The following INSR variants were observed in gnomAD, a reference collection of about 807,000 sequenced individuals.
The protein encoded by INSR is IR.
A neutral mutation model predicts 142.6 loss-of-function variants in INSR; 67 were observed. The ratio of observed to expected loss-of-function variants is 0.47; its 90% confidence interval spans 0.39 to 0.58. INSR has a LOEUF of 0.58. INSR is among the 20% of genes least tolerant of loss of function. INSR has a pLI of 0.00. For missense variants in INSR, 1,248 were observed against 1,833.2 expected, an observed-to-expected ratio of 0.68 and a Z score of 5.83; for synonymous variants, 756 against 743.1, an observed-to-expected ratio of 1.02 and a Z score of -0.28.
rs535476550 is a variant in INSR, at chr19:7,264,084, G to A, written c.652+3261C>T. On this transcript the variant is annotated intron_variant, in intron 2 of 21. Transcript: ENST00000302850. ...CTCGGGAGGCTGAGGCAGGAGAATCGCTTGAAGCCAGGAGGCAGAAATTGC... is the reference window on the plus strand; with the variant it reads ...CTCGGGAGGCTGAGGCAGGAGAATCACTTGAAGCCAGGAGGCAGAAATTGC... 7.9e-5 allele frequency among the ~76,000 whole-genome samples: 12 copies of A among 151,758 alleles called. No individual in the cohort carries two copies. The East Asian group carries it at 1.5e-3, about 20-fold the overall frequency.
intron 3 of INSR, among the ~76,000 whole-genome samples, chr19:7,179,756 G>A (rs553207833): frequency 1.3e-5 from 2 of 152,288 alleles, no homozygotes; most frequent in East Asian, 1.9e-4. Context: ...GCCAACCCCC[G>A]TTCTCAGCTG....
rs2303672 is a variant in INSR, at chr19:7,168,394, T to C, written c.1484-300A>G. Among the ~76,000 whole-genome samples the C allele has an allele frequency of 5.3e-3, 809 of 152,224 alleles. 29 individuals are homozygous for C. The East Asian group carries it at 0.088, about 16-fold the overall frequency. The stretch of plus-strand genomic sequence containing the variant: ...AAGAAGGACAACCGGCCAATAGTTA[T>C]TGGAGGAAGGGATTTCCAAGGGTGA... On this transcript the variant is annotated intron_variant, in intron 6 of 21. Transcript: ENST00000302850. The surrounding 1 kb of genome is among the most constrained non-coding windows in gnomAD (Gnocchi z 4.3).
At chr19:7,127,266 C>T (rs1275690464) in intron 15 of INSR, among the ~76,000 whole-genome samples, 1 of 152,088 alleles carries the variant, frequency 6.6e-6, no homozygotes, top group Admixed American at 6.6e-5. Context: ...CAGTACTGTT[C>T]TAGAGCGAGC....
Position 7,150,189 on chromosome 19 carries a change from G to C in INSR, c.2267+308C>G, listed in dbSNP as rs1973301170. ...ACCTCTGCAAATGCACGCGGGAGGT[G>C]CAGAGATGTTTAGTGAGCAAACAGT... On this transcript the variant is annotated intron_variant, in intron 11 of 21. Coordinates refer to ENST00000302850, the MANE Select transcript of INSR (RefSeq NM_000208.4). This position sits in a 1 kb window ranked among gnomAD's most constrained non-coding sequence, Gnocchi z 4.2. 6.6e-6 allele frequency among the ~76,000 whole-genome samples: 1 copy of C among 152,194 alleles called. No individual in the cohort carries two copies. The highest frequency in any genetic ancestry group is 1.5e-5 in the Non-Finnish European group (1 of 68,026).
intron 3 of INSR, among the ~76,000 whole-genome samples, chr19:7,183,616 C>T (rs978329497): frequency 2.0e-5 from 3 of 152,052 alleles, no homozygotes; most frequent in African/African-American, 7.2e-5. Context: ...AGGGAAGACA[C>T]GAAAGACCTT....
intron 2 of INSR, among the ~76,000 whole-genome samples, chr19:7,251,131 C>A (rs1976714464): frequency 6.6e-6 from 1 of 152,004 alleles, no homozygotes. Flanking sequence ...GCAGTACACA[C>A]ACATTCCCTG....
intron 2 of INSR, among the ~76,000 whole-genome samples, chr19:7,235,547 T>C (rs1022409312): frequency 6.6e-5 from 10 of 152,112 alleles, no homozygotes; most frequent in African/African-American, 1.9e-4. Flanking sequence ...TTTTCAAAGA[T>C]ACTGTTAAGA....
At chr19:7,249,282 AATCCT>A (rs1436822043) in intron 2 of INSR, among the ~76,000 whole-genome samples, 2 of 152,148 alleles carry the variant, frequency 1.3e-5, no homozygotes, top group African/African-American at 4.8e-5. Context: ...TACCACCAGG[AATCCT>A]AAGGTAAACC....
intron 2 of INSR, among the ~76,000 whole-genome samples, chr19:7,210,013 CAG>C (rs1975226345): frequency 6.6e-6 from 1 of 152,064 alleles, no homozygotes; most frequent in East Asian, 1.9e-4. Context: ...ACAGAAGAAA[CAG>C]AGATTCAAAA....
chr19:7,157,628 G>A (rs1256809752), intron 9 of INSR, among the ~76,000 whole-genome samples: 3 of 151,978 alleles, frequency 2.0e-5, no homozygotes, highest in African/African-American at 4.8e-5. Flanking sequence ...GGGTTCTTGT[G>A]ACCCACGGTG....
At chr19:7,265,311 G>A (rs922326354) in intron 2 of INSR, among the ~76,000 whole-genome samples, 2 of 152,140 alleles carry the variant, frequency 1.3e-5, no homozygotes, top group African/African-American at 2.4e-5. Context: ...CAAAGCAATG[G>A]CAAAGAGGTA....
rs560492904 is a variant in INSR at position 7,193,129 on chromosome 19, T to C, written c.653-8492A>G. 2.6e-5 allele frequency among the ~76,000 whole-genome samples: 4 copies of C among 151,562 alleles called. No homozygotes were observed. The East Asian group carries it at 7.8e-4, about 29-fold the overall frequency. Reference sequence around the variant, plus strand: ...GTATTTCTTTTTTTTCTTTTTTTTTTTTTCCCCAGATGGAGTCTCACTCTT... The same window carrying C: ...GTATTTCTTTTTTTTCTTTTTTTTTCTTTCCCCAGATGGAGTCTCACTCTT... On this transcript the variant is annotated intron_variant, in intron 2 of 21. Transcript: ENST00000302850.
At chr19:7,290,656 C>A (rs2145257067) in intron 1 of INSR, among the ~76,000 whole-genome samples, 1 of 151,948 alleles carries the variant, frequency 6.6e-6, no homozygotes, top group Non-Finnish European at 1.5e-5. Context: ...GACTGTAATC[C>A]CAGCTACTCA....
chr19:7,293,859 G>T lies in INSR; in HGVS notation c.33C>A (p.Ala11=). The change falls in exon 1 of 22, where the codon GCC becomes GCA. Residue 11 remains alanine, a synonymous_variant. Coordinates refer to ENST00000302850, the MANE Select transcript of INSR (RefSeq NM_000208.4). The stretch of plus-strand genomic sequence containing the variant: ...CGGCCACCGCCACCAGCAGCGGCGC[G>T]GCCGCCGCCCCCCGCCGGCCCCCGG... MATGGRRGAA[A]APLLVAVAAL... is the part of the protein sequence containing the mutation. 2 of 1,248,098 alleles carry T rather than the reference G, an allele frequency of 1.6e-6. No individual in the cohort carries two copies. Among genetic ancestry groups the T allele is most frequent in the South Asian group, 6.6e-5 (2 of 30,170 alleles). 77.3% of individuals were successfully genotyped at this position (1,248,098 alleles called of 1,614,324 possible). A position where few individuals can be genotyped will look rare whatever the true frequency, so the allele number is the denominator to read the frequency against.
rs75333373 is a variant in INSR, at chr19:7,287,756, G to A, written c.100+6036C>T. ...GCGTTTCATTTCACTCACTTCATTC[G>A]AGTTGTACCAGGGACTGCACAAGCT... is the stretch of plus-strand genomic sequence containing the variant. On this transcript the variant is annotated intron_variant, in intron 1 of 21. Coordinates refer to ENST00000302850, the MANE Select transcript of INSR (RefSeq NM_000208.4). Among the ~76,000 whole-genome samples, 245 of 152,220 alleles carry A rather than the reference G, an allele frequency of 1.6e-3. 1 individual carries two copies. Among genetic ancestry groups the A allele is most frequent in the African/African-American group, 5.2e-3 (214 of 41,534 alleles).
intron 16 of INSR, among the ~76,000 whole-genome samples, chr19:7,126,169 C>T (rs1377462966): frequency 6.6e-6 from 1 of 152,156 alleles, no homozygotes; most frequent in Non-Finnish European, 1.5e-5. Flanking sequence ...GCTCAGCCTC[C>T]CCCAGCTTAG....
chr19:7,229,705 A>G (rs1313033663), intron 2 of INSR, among the ~76,000 whole-genome samples: 1 of 151,704 alleles, frequency 6.6e-6, no homozygotes, highest in Non-Finnish European at 1.5e-5. Context: ...AAACAAAGCA[A>G]GGATGCTTTT....
At chr19:7,171,848 T>A (rs1974021270) in intron 5 of INSR, among the ~76,000 whole-genome samples, 1 of 152,108 alleles carries the variant, frequency 6.6e-6, no homozygotes, top group Admixed American at 6.6e-5. Context: ...TTGCCAGATA[T>A]ACTTTTATTT....
chr19:7,176,272 G>T (rs1166468341), intron 3 of INSR, among the ~76,000 whole-genome samples: 1 of 152,176 alleles, frequency 6.6e-6, no homozygotes. Flanking sequence ...GCAGTGTATA[G>T]TGAGTGAGTT....
Sources: allele counts gnomAD v4.1 joint callset (sites outside exome capture counted in the v4.1 genomes callset), GRCh38; gene constraint gnomAD v4.1.1; non-coding constraint Gnocchi (gnomAD v3.1); transcripts MANE v1.5; gene names NCBI Gene and HGNC (gene_info 2026-07-23, HGNC 2026-07-21).